Variants in TMEM132B observed in about 807,000 individuals in gnomAD.
The protein encoded by TMEM132B is transmembrane protein 132B.
A neutral mutation model predicts 90.8 loss-of-function variants in TMEM132B; 18 were observed. The ratio of observed to expected loss-of-function variants is 0.20; its 90% CI spans 0.14 to 0.29. The LOEUF (loss-of-function observed/expected upper bound fraction) is 0.29. Among genes scored for constraint, TMEM132B ranks in the 10% least tolerant of loss-of-function variants. The pLI is 1.00. For synonymous variants in TMEM132B, 504 were observed against 523.3 expected (o/e 0.96, Z 0.50); for missense variants, 1,096 against 1,326.8 (o/e 0.83, Z 2.70).
intron 5 of TMEM132B, among the ~76,000 whole-genome samples, chr12:125,590,691 C>A (rs182533102): frequency 1.3e-5 from 2 of 152,282 alleles, no homozygotes; most frequent in African/African-American, 4.8e-5. Flanking sequence ...GACTTCTATC[C>A]GTAGGAGCTT....
chr12:125,335,412 G>A (rs1876926731), intron 1 of TMEM132B, among the ~76,000 whole-genome samples: 1 of 152,222 alleles, frequency 6.6e-6, no homozygotes, highest in African/African-American at 2.4e-5. Flanking sequence ...CAGGCTCCTG[G>A]GGAGGGGCAC....
At chr12:125,300,710 A>C (rs915472785) in intron 1 of TMEM132B, among the ~76,000 whole-genome samples, 1 of 152,198 alleles carries the variant, frequency 6.6e-6, no homozygotes, top group Non-Finnish European at 1.5e-5. Flanking sequence ...TTTTATAGAT[A>C]AGGCAACTAA....
intron 2 of TMEM132B, among the ~76,000 whole-genome samples, chr12:125,354,994 T>C (rs930434979): frequency 6.6e-6 from 1 of 151,870 alleles, no homozygotes; most frequent in Admixed American, 6.6e-5. Context: ...AGGTCATGCA[T>C]TGGGGAAATG....
chr12:125,495,316 C>T (rs1474110882), intron 3 of TMEM132B, among the ~76,000 whole-genome samples: 1 of 150,286 alleles, frequency 6.7e-6, no homozygotes, highest in East Asian at 2.0e-4. Context: ...TCCCTCCTCC[C>T]CCTCCTCCCT....
chr12:125,614,649 G>GA (rs1885944279), intron 5 of TMEM132B, among the ~76,000 whole-genome samples: 5 of 152,078 alleles, frequency 3.3e-5, no homozygotes, highest in Admixed American at 3.3e-4. Flanking sequence ...CAAAGCTGTA[G>GA]AAAAAAGAGA....
At position 125,637,944 on chromosome 12, in the gene TMEM132B, A is replaced by G. The variant is rs375687626; in HGVS notation, c.1438-6132A>G. Among the ~76,000 whole-genome samples, 3 of 152,368 alleles carry G rather than the reference A, an allele frequency of 2.0e-5. No homozygotes were observed. The South Asian group carries it at 6.2e-4, about 32-fold the overall frequency. ...CTGTGTAGTGTTTTCATGGGTGGAC[A>G]CTGCCAAACTCATTGAACTTTATCC... On this transcript the variant is annotated intron_variant, in intron 5 of 8. Transcript: ENST00000682704.
chr12:125,562,765 C>G lies in TMEM132B; in HGVS notation c.1294-21086C>G, dbSNP rs1243286110. ...GGTTCTATAAGGGGAAACCCCTTTT[C>G]TTAGTTCTCATTTTCCCTCTTTTCC... On this transcript the variant is annotated intron_variant, in intron 4 of 8. Coordinates refer to ENST00000682704, the MANE Select transcript of TMEM132B (RefSeq NM_001366854.1). 3.3e-5 allele frequency among the ~76,000 whole-genome samples: 5 copies of G among 152,234 alleles called. No individual in the cohort carries two copies. In the South Asian group the frequency reaches 1.0e-3, roughly 32 times the overall value.
At chr12:125,301,733 G>A (rs1875828568) in intron 1 of TMEM132B, 1 of 152,128 alleles carries the variant, frequency 6.6e-6, no homozygotes, top group Admixed American at 6.6e-5. Context: ...CAAAAAAGTA[G>A]CCGGGCGTGG....
intron 2 of TMEM132B, among the ~76,000 whole-genome samples, chr12:125,351,003 T>A (rs983863452): frequency 1.3e-5 from 2 of 152,128 alleles, no homozygotes; most frequent in African/African-American, 4.8e-5. Context: ...TTTGGTGAAG[T>A]TTTTTAGTGC....
intron 4 of TMEM132B, among the ~76,000 whole-genome samples, chr12:125,578,121 C>A (rs915995383): frequency 6.6e-6 from 1 of 152,030 alleles, no homozygotes; most frequent in Admixed American, 6.6e-5. Flanking sequence ...TGTCTTGTTT[C>A]TTTATAGTAT....
In TMEM132B at chr12:125,656,022, A is replaced by T. The variant is rs972304751; in HGVS notation, c.*1312A>T. 6.6e-6 allele frequency: 1 copy of T among 152,194 alleles called. No individual in the cohort carries two copies. The highest frequency in any genetic ancestry group is 2.4e-5 in the African/African-American group (1 of 41,466). 9.4% of individuals were successfully genotyped at this position (152,194 alleles called of 1,614,324 possible). A position where few individuals can be genotyped will look rare whatever the true frequency, so the allele number is the denominator to read the frequency against. ...AGAAGCAGCTATTATAGAAAAAAAA[A>T]TTAAAAACCACAGCTATTGAAAAAT... On this transcript the variant is annotated 3_prime_UTR_variant, in exon 9 of 9. Coordinates refer to ENST00000682704, the MANE Select transcript of TMEM132B (RefSeq NM_001366854.1).
At chr12:125,464,664 G>A (rs1258988318) in intron 3 of TMEM132B, among the ~76,000 whole-genome samples, 2 of 152,070 alleles carry the variant, frequency 1.3e-5, no homozygotes, top group African/African-American at 4.8e-5. Flanking sequence ...GCATACACTG[G>A]CATCATTTGC....
intron 1 of TMEM132B, among the ~76,000 whole-genome samples, chr12:125,282,066 AC>A (rs1196199686): frequency 7.9e-6 from 1 of 127,078 alleles, no homozygotes; most frequent in Non-Finnish European, 1.6e-5. Context: ...AAAAAGAGAG[AC>A]TTTTGAAGCT....
At chr12:125,384,028 C>A (rs1367683881) in intron 2 of TMEM132B, among the ~76,000 whole-genome samples, 1 of 152,172 alleles carries the variant, frequency 6.6e-6, no homozygotes, top group East Asian at 1.9e-4. Flanking sequence ...CTCATTGCAA[C>A]CTCTGCCTCC....
chr12:125,498,506 C>T lies in TMEM132B; in HGVS notation c.1107-20933C>T, dbSNP rs893825788. On this transcript the variant is annotated intron_variant, in intron 3 of 8. Coordinates refer to ENST00000682704, the MANE Select transcript of TMEM132B (RefSeq NM_001366854.1). The surrounding 1 kb of genome is among the most constrained non-coding windows in gnomAD (Gnocchi z 4.5). ...TCAGAGACAATATCTGACTTCCTAG[C>T]AGAGAAATGTCTGTGATTACATAAT... is the stretch of plus-strand genomic sequence containing the variant. Among the ~76,000 whole-genome samples the T allele has an allele frequency of 1.3e-5, 2 of 152,186 alleles. No homozygotes were observed. The highest frequency in any genetic ancestry group is 2.4e-5 in the African/African-American group (1 of 41,440).
At chr12:125,481,025 T>C (rs982669864) in intron 3 of TMEM132B, among the ~76,000 whole-genome samples, 7 of 152,178 alleles carry the variant, frequency 4.6e-5, no homozygotes, top group Admixed American at 3.9e-4. Context: ...ATTATCTCAA[T>C]AGACACAGAA....
chr12:125,348,877 T>C (rs1420487381), intron 1 of TMEM132B, among the ~76,000 whole-genome samples: 1 of 152,234 alleles, frequency 6.6e-6, no homozygotes, highest in Non-Finnish European at 1.5e-5. Flanking sequence ...TGTAGATAGA[T>C]AAGCCTGTGT....
chr12:125,456,614 T>C (rs561940150), intron 3 of TMEM132B, among the ~76,000 whole-genome samples: 16 of 152,310 alleles, frequency 1.1e-4, no homozygotes, highest in African/African-American at 3.6e-4. Flanking sequence ...TCTGCCTCGT[T>C]ACTCTCTTAC....
chr12:125,567,655 C>T (rs527777554), intron 4 of TMEM132B, among the ~76,000 whole-genome samples: 20 of 152,298 alleles, frequency 1.3e-4, no homozygotes, highest in Admixed American at 3.9e-4. Context: ...AGTGCTTCCT[C>T]GACCATTTCT....
Sources: allele counts gnomAD v4.1 joint callset (sites outside exome capture counted in the v4.1 genomes callset), GRCh38; gene constraint gnomAD v4.1.1; non-coding constraint Gnocchi (gnomAD v3.1); transcripts MANE v1.5; gene names NCBI Gene and HGNC (gene_info 2026-07-23, HGNC 2026-07-21).